Variants in SPRED2 observed in about 807,000 individuals in gnomAD.
The protein encoded by SPRED2 is sprouty related EVH1 domain containing 2.
In SPRED2, 47 loss-of-function variants were observed where a neutral mutation model predicts 43.0. That is an observed-to-expected ratio of 1.09 (90% CI 0.87 to 1.40). SPRED2 has a LOEUF of 1.40. SPRED2 is among the 40% of genes most tolerant of loss of function. The pLI is 0.00. For synonymous variants in SPRED2, 225 were observed against 225.7 expected (o/e 1.00, Z 0.03); for missense variants, 561 against 586.4 (o/e 0.96, Z 0.45).
At chr2:65,308,794 G>A (rs1672992724), downstream of SPRED2, among the ~76,000 whole-genome samples, 1 of 152,212 alleles carries the variant, frequency 6.6e-6, no homozygotes, top group South Asian at 2.1e-4. Flanking sequence ...ATGGAGTTAG[G>A]TGTAGTCGGT....
rs147975026 is a variant in SPRED2 at position 65,362,689 on chromosome 2, T to C, written c.27-17793A>G. On this transcript the variant is annotated intron_variant, in intron 1 of 5. Transcript: ENST00000356388. ...GCCTGGCCATCATGGTGAAACTCCA[T>C]CTCTACCAAAAATACAAAATTAGCC... 4.8e-3 allele frequency among the ~76,000 whole-genome samples: 732 copies of C among 152,010 alleles called. 6 individuals carry two copies. Among genetic ancestry groups the C allele is most frequent in the African/African-American group, 0.016 (682 of 41,486 alleles).
chr2:65,334,539 T>A (rs995970251), intron 3 of SPRED2, 66 bp downstream of exon 3: 1 of 1,571,680 alleles, frequency 6.4e-7, no homozygotes, highest in African/African-American at 1.4e-5. Flanking sequence ...TGGCAGACTA[T>A]TGGAATTAAA....
At chr2:65,361,830 A>T (rs1674822766) in intron 1 of SPRED2, among the ~76,000 whole-genome samples, 1 of 152,202 alleles carries the variant, frequency 6.6e-6, no homozygotes, top group Admixed American at 6.5e-5. Flanking sequence ...ACCCCTCCCA[A>T]GCAGCCTTTA....
At chr2:65,409,582 T>G (rs955745572) in intron 1 of SPRED2, among the ~76,000 whole-genome samples, 1 of 150,848 alleles carries the variant, frequency 6.6e-6, no homozygotes, top group African/African-American at 2.4e-5. Context: ...TTACATCTCA[T>G]GCACTATTTA....
At chr2:65,374,543 G>C (rs1025518482) in intron 1 of SPRED2, among the ~76,000 whole-genome samples, 2 of 152,158 alleles carry the variant, frequency 1.3e-5, no homozygotes, top group Non-Finnish European at 2.9e-5. Flanking sequence ...TTAACTTTCT[G>C]GTTTCTCATG....
At position 65,432,193 on chromosome 2, in the gene SPRED2, G is replaced by T; in HGVS notation, c.-206C>A. The T allele has an allele frequency of 1.6e-6, 1 of 623,688 alleles. No homozygotes were observed. The highest frequency in any genetic ancestry group is 1.9e-5 in the South Asian group (1 of 53,024). The allele number at this position is 623,688 out of a possible 1,614,324, so 38.6% of individuals were successfully genotyped here. On this transcript the variant is annotated 5_prime_UTR_variant, in exon 1 of 6. Coordinates refer to ENST00000356388, the MANE Select transcript of SPRED2 (RefSeq NM_181784.3). ...AAGGGGTGCAAAGGCAGGCTGCGCG[G>T]GGAGTGAACGCCGCAGCGCCGTGGG...
At chr2:65,401,456 T>C (rs914670312) in intron 1 of SPRED2, among the ~76,000 whole-genome samples, 1 of 151,990 alleles carries the variant, frequency 6.6e-6, no homozygotes, top group African/African-American at 2.4e-5. Context: ...ACCATTTTTT[T>C]TTTCCTGGTA....
Position 65,341,136 on chromosome 2 carries a change from C to T in SPRED2, c.204+3583G>A, listed in dbSNP as rs537764323. 8.1e-5 allele frequency among the ~76,000 whole-genome samples: 12 copies of T among 148,200 alleles called. No homozygotes were observed. In the East Asian group the frequency reaches 1.8e-3, roughly 23 times the overall value. On this transcript the variant is annotated intron_variant, in intron 2 of 5. Coordinates refer to ENST00000356388, the MANE Select transcript of SPRED2 (RefSeq NM_181784.3). ...GTGTGTGTGTGTGTGTGTGCATGTG[C>T]ATGAGTGTGCTGGGTATGGGTGTGA...
At chr2:65,331,147 C>T (rs1673800842) in intron 4 of SPRED2, among the ~76,000 whole-genome samples, 1 of 152,244 alleles carries the variant, frequency 6.6e-6, no homozygotes, top group South Asian at 2.1e-4. Flanking sequence ...GTGGCTAAAG[C>T]CTATAAACCT....
intron 1 of SPRED2, among the ~76,000 whole-genome samples, chr2:65,357,537 A>T (rs1419789954): frequency 6.6e-6 from 1 of 152,212 alleles, no homozygotes; most frequent in East Asian, 1.9e-4. Flanking sequence ...CCCCGATCAC[A>T]CTTTTGAAAG....
intron 4 of SPRED2, among the ~76,000 whole-genome samples, chr2:65,327,675 GCCCT>G (rs1230603467): frequency 6.7e-6 from 1 of 148,850 alleles, no homozygotes; most frequent in Non-Finnish European, 1.5e-5. Flanking sequence ...GTGGAGGGCT[GCCCT>G]CCCAAAACAT....
intron 1 of SPRED2, among the ~76,000 whole-genome samples, chr2:65,390,960 T>G (rs896768790): frequency 2.0e-5 from 3 of 151,670 alleles, no homozygotes; most frequent in Admixed American, 6.6e-5. Flanking sequence ...TGGGGGTGCA[T>G]GCCTGTAGTC....
At chr2:65,336,767 T>C (rs1310234942) in intron 2 of SPRED2, among the ~76,000 whole-genome samples, 1 of 152,254 alleles carries the variant, frequency 6.6e-6, no homozygotes, top group Non-Finnish European at 1.5e-5. Context: ...CTTTGGTTGA[T>C]ATTTTCCAAC....
intron 1 of SPRED2, among the ~76,000 whole-genome samples, chr2:65,408,076 A>G (rs1291028174): frequency 6.6e-6 from 1 of 152,160 alleles, no homozygotes; most frequent in Non-Finnish European, 1.5e-5. Context: ...CAGTCTCTTG[A>G]GCTTCTCTCC....
chr2:65,360,100 C>CAAAAAAAAAAAAAAAA (rs57801875), intron 1 of SPRED2, among the ~76,000 whole-genome samples: 1 of 103,224 alleles, frequency 9.7e-6, no homozygotes, highest in Non-Finnish European at 1.9e-5. Flanking sequence ...AAAAAAAAAA[C>CAAAAAAAAAAAAAAAA]AAAAAAAAAA....
chr2:65,361,165 C>G (rs1359108085), intron 1 of SPRED2, among the ~76,000 whole-genome samples: 2 of 152,100 alleles, frequency 1.3e-5, no homozygotes, highest in Non-Finnish European at 2.9e-5. Flanking sequence ...ACATCACAAC[C>G]CTCCCTTAAA....
At position 65,351,750 on chromosome 2, in the gene SPRED2, G is replaced by C. The variant is rs528929604; in HGVS notation, c.27-6854C>G. On this transcript the variant is annotated intron_variant, in intron 1 of 5. Transcript: ENST00000356388. ...ATATGACTAGTGATCTTTTTAAAAA[G>C]AATCAACAAAATGCTTCAGTAGAAT... Among the ~76,000 whole-genome samples the C allele has an allele frequency of 2.8e-3, 432 of 152,286 alleles. 2 individuals are homozygous for C. Among genetic ancestry groups the C allele is most frequent in the Non-Finnish European group, 4.3e-3 (295 of 68,016 alleles).
chr2:65,366,248 C>T (rs1288939732), intron 1 of SPRED2, among the ~76,000 whole-genome samples: 1 of 152,138 alleles, frequency 6.6e-6, no homozygotes, highest in Non-Finnish European at 1.5e-5. Flanking sequence ...AGAGGTATAC[C>T]ATCTCTGCAA....
chr2:65,401,925 T>G (rs1675898366), intron 1 of SPRED2, among the ~76,000 whole-genome samples: 1 of 61,458 alleles, frequency 1.6e-5, no homozygotes, highest in African/African-American at 6.0e-5. Flanking sequence ...ATCAGAATAT[T>G]AGCGCGCGCG....
Sources: allele counts gnomAD v4.1 joint callset (sites outside exome capture counted in the v4.1 genomes callset), GRCh38; gene constraint gnomAD v4.1.1; transcripts MANE v1.5; gene names NCBI Gene and HGNC (gene_info 2026-07-23, HGNC 2026-07-21).